The following SMCHD1 variants were observed in gnomAD, a reference collection of about 807,000 sequenced individuals.
SMCHD1 encodes the protein structural maintenance of chromosomes flexible hinge domain containing 1.
A neutral mutation model predicts 254.7 loss-of-function variants in SMCHD1; 78 were observed. The observed-to-expected ratio is 0.31, with a 90% CI of 0.26 to 0.37. The LOEUF (loss-of-function observed/expected upper bound fraction) is 0.37, where lower values mean the gene tolerates loss of function less well. Among genes scored for constraint, SMCHD1 ranks in the 10% least tolerant of loss-of-function variants. SMCHD1 has a pLI of 1.00. For missense variants in SMCHD1, 1,840 were observed against 2,408.1 expected (o/e 0.76, Z 4.94); for synonymous variants, 766 against 794.9 (o/e 0.96, Z 0.61).
In SMCHD1 at chr18:2,722,682, A is replaced by G; in HGVS notation, c.2603+19A>G. The stretch of plus-strand genomic sequence containing the variant: ...AAGCAAGGTAATTTGAAGGATCAAT[A>G]TGTATTTGTCCTTTGATATTTGCTA... On this transcript the variant is annotated intron_variant, in intron 20 of 47. Transcript: ENST00000320876. The G allele has an allele frequency of 6.3e-7, 1 of 1,599,940 alleles. No individual in the cohort carries two copies. The highest frequency in any genetic ancestry group is 8.5e-7 in the Non-Finnish European group (1 of 1,174,596).
intron 5 of SMCHD1, among the ~76,000 whole-genome samples, chr18:2,681,601 AAAAAG>A (rs1271616795): frequency 6.6e-6 from 1 of 151,634 alleles, no homozygotes; most frequent in African/African-American, 2.4e-5. Flanking sequence ...AAAAAAAAAA[AAAAAG>A]GATATATAAC....
In SMCHD1 at chr18:2,692,290, T is replaced by A. The variant is rs2074197409; in HGVS notation, c.874-2237T>A. 2.0e-5 allele frequency among the ~76,000 whole-genome samples: 3 copies of A among 152,212 alleles called. No homozygotes were observed. The South Asian group carries it at 6.2e-4, about 32-fold the overall frequency. On this transcript the variant is annotated intron_variant, in intron 7 of 47. Coordinates refer to ENST00000320876, the MANE Select transcript of SMCHD1 (RefSeq NM_015295.3). ...TTGGCTGGGCACAGTGGCTCATGCC[T>A]GTAATCCTAGCAGTTTGGGAGGCTG...
intron 47 of SMCHD1, chr18:2,796,862 T>G (rs2076273660): frequency 5.0e-6 from 1 of 201,166 alleles, no homozygotes. Flanking sequence ...GGATTACAGG[T>G]GTGAGCCACT....
At chr18:2,746,680 G>A (rs1213669865) in intron 29 of SMCHD1, among the ~76,000 whole-genome samples, 1 of 152,200 alleles carries the variant, frequency 6.6e-6, no homozygotes, top group Non-Finnish European at 1.5e-5. Flanking sequence ...CCTCAGTTAA[G>A]AGTAGGGGGT....
At chr18:2,763,851 T>G (rs1184014032) in intron 37 of SMCHD1, 62 bp downstream of exon 37, 2 of 1,439,506 alleles carry the variant, frequency 1.4e-6, no homozygotes, top group Non-Finnish European at 1.9e-6. Flanking sequence ...AACCACCATA[T>G]TAAGACACCT....
At position 2,672,415 on chromosome 18, in the gene SMCHD1, A is replaced by G. The variant is rs535840029; in HGVS notation, c.425-866A>G. On this transcript the variant is annotated intron_variant, in intron 3 of 47. Coordinates refer to ENST00000320876, the MANE Select transcript of SMCHD1 (RefSeq NM_015295.3). Reference sequence around the variant, plus strand: ...CTATTTTTTTGTATTTTTAATAGAGATAGGGTTTCACTGTGTTGGCCAGGC... The same window carrying G: ...CTATTTTTTTGTATTTTTAATAGAGGTAGGGTTTCACTGTGTTGGCCAGGC... Among the ~76,000 whole-genome samples the G allele has an allele frequency of 5.9e-4, 89 of 152,076 alleles. 1 individual carries two copies. The highest frequency in any genetic ancestry group is 2.7e-3 in the Admixed American group (41 of 15,276).
intron 7 of SMCHD1, among the ~76,000 whole-genome samples, chr18:2,690,960 A>G (rs1397421583): frequency 0.01 from 6 of 572 alleles, no homozygotes; most frequent in South Asian, 0.17. Flanking sequence ...TGATAATTGA[A>G]AAAAAAAAAA....
chr18:2,670,104 G>A (rs112596776), intron 3 of SMCHD1, among the ~76,000 whole-genome samples: 7 of 152,048 alleles, frequency 4.6e-5, no homozygotes, highest in African/African-American at 1.7e-4. Flanking sequence ...TGTGTCACTC[G>A]CTGCTGAAAA....
intron 24 of SMCHD1, among the ~76,000 whole-genome samples, chr18:2,731,935 C>T (rs1421493077): frequency 1.3e-5 from 2 of 152,114 alleles, no homozygotes; most frequent in Non-Finnish European, 2.9e-5. Flanking sequence ...AGTTTGAACC[C>T]AGAAGGCAGA....
intron 44 of SMCHD1, 28 bp downstream of exon 44, chr18:2,778,267 G>A (rs1330863654): frequency 1.3e-6 from 2 of 1,492,764 alleles, no homozygotes; most frequent in Non-Finnish European, 1.8e-6. Context: ...TTTTAAATTT[G>A]TAGACTTCAG....
At chr18:2,716,631 G>A (rs903928877) in intron 17 of SMCHD1, among the ~76,000 whole-genome samples, 1 of 152,214 alleles carries the variant, frequency 6.6e-6, no homozygotes, top group South Asian at 2.1e-4. Flanking sequence ...TTGCAAGGCA[G>A]TTCTCAGGCC....
At chr18:2,789,206 A>ATT (rs11356663) in intron 45 of SMCHD1, among the ~76,000 whole-genome samples, 6 of 143,856 alleles carry the variant, frequency 4.2e-5, no homozygotes, top group African/African-American at 1.5e-4. Flanking sequence ...TATTATTATT[A>ATT]TTTTTTTTTT....
intron 39 of SMCHD1, 99 bp downstream of exon 39, chr18:2,770,207 A>G: frequency 8.1e-7 from 1 of 1,232,546 alleles, no homozygotes; most frequent in Non-Finnish European, 1.1e-6. Flanking sequence ...CCTAAATTAC[A>G]AGTAAAATAC....
At chr18:2,766,597 C>T (rs1281694772) in intron 37 of SMCHD1, among the ~76,000 whole-genome samples, 1 of 152,228 alleles carries the variant, frequency 6.6e-6, no homozygotes, top group Non-Finnish European at 1.5e-5. Context: ...TTAGGAAACA[C>T]TGGTCTAGAG....
chr18:2,765,471 C>T (rs1044140958), intron 37 of SMCHD1, among the ~76,000 whole-genome samples: 1 of 152,168 alleles, frequency 6.6e-6, no homozygotes, highest in Non-Finnish European at 1.5e-5. Context: ...TAGGAGCCTG[C>T]CAGCTGTACC....
At chr18:2,700,470 A>T in intron 10 of SMCHD1, 69 bp from the exon 11 acceptor site, 1 of 1,464,098 alleles carries the variant, frequency 6.8e-7, no homozygotes, top group Non-Finnish European at 9.2e-7. Flanking sequence ...TGAAACATTT[A>T]TGTGTTTGTT....
chr18:2,731,965 C>G (rs533430646), intron 24 of SMCHD1, among the ~76,000 whole-genome samples: 2 of 152,258 alleles, frequency 1.3e-5, no homozygotes, highest in African/African-American at 4.8e-5. Context: ...GAGCCAAGAT[C>G]ATGCCACTGC....
In SMCHD1 at chr18:2,736,934, T is replaced by G. The variant is rs560361860; in HGVS notation, c.3277-1463T>G. Among the ~76,000 whole-genome samples, 4 of 152,296 alleles carry G rather than the reference T, an allele frequency of 2.6e-5. No homozygotes were observed. The East Asian group carries it at 7.7e-4, about 29-fold the overall frequency. On this transcript the variant is annotated intron_variant, in intron 25 of 47. Transcript: ENST00000320876. Reference sequence around the variant, plus strand: ...GAAAATAATACCATTTCACCAAATATACGTGCAGTTTTCTGTTTATCTCAG... The same window carrying G: ...GAAAATAATACCATTTCACCAAATAGACGTGCAGTTTTCTGTTTATCTCAG...
intron 32 of SMCHD1, among the ~76,000 whole-genome samples, chr18:2,750,916 T>C (rs2075558487): frequency 6.6e-6 from 1 of 152,066 alleles, no homozygotes; most frequent in African/African-American, 2.4e-5. Flanking sequence ...AAAAAATTAG[T>C]AACAGGTGCC....
Sources: gnomAD v4.1 joint callset for allele counts (sites outside exome capture counted in the v4.1 genomes callset) on GRCh38, gnomAD v4.1.1 for gene constraint, MANE v1.5 for transcripts, NCBI Gene and HGNC (gene_info 2026-07-23, HGNC 2026-07-21) for gene names.